INTS9: variants seen among roughly 807,000 people sequenced by gnomAD.
INTS9 encodes the protein protein related to CPSF subunits of 74 kDa.
A neutral mutation model predicts 79.7 loss-of-function variants in INTS9; 55 were observed. The ratio of observed to expected loss-of-function variants is 0.69; its 90% CI spans 0.56 to 0.86. The LOEUF (loss-of-function observed/expected upper bound fraction) is 0.86, where lower values mean the gene tolerates loss of function less well. Among genes scored for constraint, INTS9 ranks in the 40% least tolerant of loss-of-function variants. The probability of loss-of-function intolerance (pLI) is 0.00; values close to 1 mark genes in which losing one functional copy is unlikely to be tolerated. For synonymous variants in INTS9, 319 were observed against 325.2 expected, an observed-to-expected ratio of 0.98 and a Z score of 0.20; for missense variants, 721 against 831.5, an observed-to-expected ratio of 0.87 and a Z score of 1.64.
intron 8 of INTS9, among the ~76,000 whole-genome samples, chr8:28,805,816 AG>A (rs1157329392): frequency 6.6e-6 from 1 of 152,230 alleles, no homozygotes; most frequent in African/African-American, 2.4e-5. Flanking sequence ...ACACTTCTAA[AG>A]GAAGGCAAGA....
chr8:28,770,515 G>A (rs554702630), intron 15 of INTS9, among the ~76,000 whole-genome samples: 1 of 152,170 alleles, frequency 6.6e-6, no homozygotes, highest in Non-Finnish European at 1.5e-5. Context: ...CCCAGCACAG[G>A]GTCTAATAGA....
intron 8 of INTS9, among the ~76,000 whole-genome samples, chr8:28,805,784 T>C (rs910006978): frequency 6.6e-6 from 1 of 151,988 alleles, no homozygotes; most frequent in South Asian, 2.1e-4. Flanking sequence ...ATGTGCATTT[T>C]CACATATACA....
At chr8:28,875,519 T>G (rs1391234502) in intron 1 of INTS9, among the ~76,000 whole-genome samples, 1 of 152,072 alleles carries the variant, frequency 6.6e-6, no homozygotes, top group East Asian at 1.9e-4. Flanking sequence ...AGCTCAAGGG[T>G]ACATGTATAG....
intron 1 of INTS9, among the ~76,000 whole-genome samples, chr8:28,886,169 A>T (rs1275605386): frequency 3.3e-5 from 5 of 152,198 alleles, no homozygotes; most frequent in Non-Finnish European, 5.9e-5. Flanking sequence ...GTATGCTCTG[A>T]TATGGGGGCC....
intron 2 of INTS9, among the ~76,000 whole-genome samples, chr8:28,853,147 G>A (rs763642733): frequency 6.6e-6 from 1 of 152,198 alleles, no homozygotes; most frequent in Non-Finnish European, 1.5e-5. Context: ...GGGCATGGTG[G>A]CCCATGCCTA....
At chr8:28,842,868 G>A (rs555022149) in intron 4 of INTS9, among the ~76,000 whole-genome samples, 1 of 152,278 alleles carries the variant, frequency 6.6e-6, no homozygotes, top group South Asian at 2.1e-4. Context: ...TTCTATTGGG[G>A]TCCCCTTCGA....
rs959348881 is a variant in INTS9, at chr8:28,840,653, G to T, written c.262-2877C>A. Among the ~76,000 whole-genome samples the T allele has an allele frequency of 2.8e-4, 41 of 147,578 alleles. 1 individual carries two copies. The highest frequency in any genetic ancestry group is 9.8e-4 in the African/African-American group (39 of 39,682). ...TCATGTCCTTTGTAGGGACATGGATGAAATTGGAAATCATCATTCTCAGTA... is the reference window on the plus strand; with the variant it reads ...TCATGTCCTTTGTAGGGACATGGATTAAATTGGAAATCATCATTCTCAGTA... On this transcript the variant is annotated intron_variant, in intron 4 of 16. Coordinates refer to ENST00000521022, the MANE Select transcript of INTS9 (RefSeq NM_018250.4).
rs533616294 is a variant in INTS9, at chr8:28,832,580, G to T, written c.488+2712C>A. Among the ~76,000 whole-genome samples, 12 of 152,340 alleles carry T rather than the reference G, an allele frequency of 7.9e-5. No individual in the cohort carries two copies. In the South Asian group the frequency reaches 1.2e-3, roughly 16 times the overall value. On this transcript the variant is annotated intron_variant, in intron 6 of 16. Transcript: ENST00000521022. ...CTGCAGCCAGGCTAGCTGGCTGTCT[G>T]GGTTTGAATCCAGATCCTGCCACTC...
At chr8:28,882,913 C>T (rs1318545115) in intron 1 of INTS9, among the ~76,000 whole-genome samples, 2 of 152,166 alleles carry the variant, frequency 1.3e-5, no homozygotes, top group African/African-American at 4.8e-5. Flanking sequence ...AAGTTCCCAC[C>T]ACACAGTTAC....
intron 6 of INTS9, among the ~76,000 whole-genome samples, chr8:28,815,976 G>C (rs1805447119): frequency 6.6e-6 from 1 of 151,846 alleles, no homozygotes; most frequent in African/African-American, 2.4e-5. Context: ...TTGGGATCTA[G>C]GAAAAGAACA....
At chr8:28,853,388 G>C (rs917623931) in intron 2 of INTS9, among the ~76,000 whole-genome samples, 8 of 148,634 alleles carry the variant, frequency 5.4e-5, no homozygotes, top group African/African-American at 2.1e-4. Context: ...ACTCCAGCCT[G>C]GGCAAAAAGA....
At chr8:28,784,478 C>T (rs565397597) in intron 11 of INTS9, among the ~76,000 whole-genome samples, 3 of 152,352 alleles carry the variant, frequency 2.0e-5, no homozygotes, top group Non-Finnish European at 4.4e-5. Flanking sequence ...ATTTAGACTA[C>T]AGGGACCAAA....
intron 4 of INTS9, among the ~76,000 whole-genome samples, chr8:28,839,313 A>T (rs1031978055): frequency 2.0e-5 from 3 of 152,058 alleles, no homozygotes; most frequent in Admixed American, 6.5e-5. Flanking sequence ...ATGGAAGAAC[A>T]TTCCATGCTC....
chr8:28,777,928 G>A lies in INTS9; in HGVS notation c.1296C>T (p.Ala432=). Residue 432 remains alanine (A), a synonymous_variant, in exon 13 of 17, where the codon GCC becomes GCT. Transcript: ENST00000521022. ...FTEPDFSYLE[A]LAPYQPLAMK... ...TGGCCAGCGGCTGGTAAGGAGCCAG[G>A]GCTTCCAGGTAGGAGAAGTCTGGTT... 6.2e-7 allele frequency: 1 copy of A among 1,611,742 alleles called. No homozygotes were observed. The highest frequency in any genetic ancestry group is 1.1e-5 in the South Asian group (1 of 90,742).
At chr8:28,822,600 C>A (rs7838224) in intron 6 of INTS9, among the ~76,000 whole-genome samples, 1 of 151,880 alleles carries the variant, frequency 6.6e-6, no homozygotes, top group Non-Finnish European at 1.5e-5. Flanking sequence ...ATGAATGAAA[C>A]GGCTTCAGTA....
At chr8:28,805,073 C>G (rs1804731972) in intron 8 of INTS9, among the ~76,000 whole-genome samples, 1 of 152,052 alleles carries the variant, frequency 6.6e-6, no homozygotes, top group South Asian at 2.1e-4. Context: ...TAAAATATGA[C>G]TAAGAATTTA....
intron 1 of INTS9, among the ~76,000 whole-genome samples, chr8:28,870,117 A>C (rs1585510718): frequency 1.3e-5 from 2 of 152,202 alleles, no homozygotes; most frequent in East Asian, 3.9e-4. Context: ...AAGTAATTAT[A>C]GTTGATGAAA....
intron 1 of INTS9, among the ~76,000 whole-genome samples, chr8:28,861,880 G>A (rs996340496): frequency 5.9e-5 from 9 of 152,246 alleles, no homozygotes; most frequent in African/African-American, 1.7e-4. Context: ...GAGCACTGAC[G>A]AAAGGTGCCA....
intron 1 of INTS9, among the ~76,000 whole-genome samples, chr8:28,867,531 TAAA>T (rs766435433): frequency 1.5e-4 from 18 of 117,412 alleles, no homozygotes; most frequent in Admixed American, 4.4e-4. Context: ...GAGCTGAGAT[TAAA>T]AAAAAAAAAA....
Sources: allele counts gnomAD v4.1 joint callset (sites outside exome capture counted in the v4.1 genomes callset), GRCh38; gene constraint gnomAD v4.1.1; transcripts MANE v1.5; gene names NCBI Gene and HGNC (gene_info 2026-07-23, HGNC 2026-07-21).